The following DLGAP2 variants were observed in gnomAD, a reference collection of about 807,000 sequenced individuals.
DLGAP2 encodes the protein disks large-associated protein 2.
In DLGAP2, 26 loss-of-function variants were observed where a neutral mutation model predicts 100.3. That is an observed-to-expected ratio of 0.26 (90% CI 0.19 to 0.36). DLGAP2 has a LOEUF of 0.36. Ranked by LOEUF, DLGAP2 falls within the 10% of genes least tolerant of loss-of-function variation. DLGAP2 has a pLI of 1.00. For synonymous variants in DLGAP2, 886 were observed against 630.1 expected (o/e 1.41, Z -6.08); for missense variants, 1,858 against 1,453.2 (o/e 1.28, Z -4.53).
At chr8:787,818 G>T (rs777420672) in intron 1 of DLGAP2, among the ~76,000 whole-genome samples, 5 of 152,224 alleles carry the variant, frequency 3.3e-5, no homozygotes, top group Non-Finnish European at 5.9e-5. Flanking sequence ...GGGGCTTGAG[G>T]CCTGGGTTTG....
intron 2 of DLGAP2, among the ~76,000 whole-genome samples, chr8:1,234,976 C>T (rs1798612196): frequency 6.6e-6 from 1 of 151,990 alleles, no homozygotes. Context: ...GTCTAGTTCT[C>T]TCACGCATAG....
chr8:1,571,612 G>T (rs1298341988), intron 6 of DLGAP2, among the ~76,000 whole-genome samples: 1 of 136,684 alleles, frequency 7.3e-6, no homozygotes, highest in South Asian at 2.7e-4. Context: ...CTTCTGGGAC[G>T]GAGAGGAGAG....
intron 2 of DLGAP2, among the ~76,000 whole-genome samples, chr8:955,654 T>C (rs1220172518): frequency 6.6e-6 from 1 of 152,178 alleles, no homozygotes; most frequent in Non-Finnish European, 1.5e-5. Flanking sequence ...TCCCCAAAAC[T>C]TCAAGGCTTT....
intron 2 of DLGAP2, among the ~76,000 whole-genome samples, chr8:1,251,839 G>A (rs1196778042): frequency 3.3e-5 from 5 of 152,228 alleles, no homozygotes; most frequent in South Asian, 4.1e-4. Flanking sequence ...TCCTGTAGGC[G>A]TGTTGCATAT....
At chr8:1,172,801 G>C (rs547827119) in intron 2 of DLGAP2, among the ~76,000 whole-genome samples, 9 of 152,020 alleles carry the variant, frequency 5.9e-5, no homozygotes, top group African/African-American at 2.2e-4. Flanking sequence ...TTTTTTCAAA[G>C]TTTTTAACTT....
At chr8:1,580,406 C>G (rs1027705760) in intron 6 of DLGAP2, among the ~76,000 whole-genome samples, 3 of 152,122 alleles carry the variant, frequency 2.0e-5, no homozygotes, top group African/African-American at 7.2e-5. Flanking sequence ...AAGATAGGTT[C>G]ATGGAAATTA....
chr8:895,684 G>A (rs1239391890), intron 1 of DLGAP2, among the ~76,000 whole-genome samples: 1 of 152,188 alleles, frequency 6.6e-6, no homozygotes, highest in Non-Finnish European at 1.5e-5. Flanking sequence ...TTCGGTGGTG[G>A]TGTGAAGGAG....
At chr8:1,481,474 T>TTTC (rs1799093190) in intron 3 of DLGAP2, among the ~76,000 whole-genome samples, 2 of 112,580 alleles carry the variant, frequency 1.8e-5, no homozygotes, top group Non-Finnish European at 3.3e-5. Context: ...TCTTTTTCTT[T>TTTC]TTTTTTTTTT....
At chr8:1,417,969 G>A (rs1223465504) in intron 3 of DLGAP2, among the ~76,000 whole-genome samples, 8 of 152,000 alleles carry the variant, frequency 5.3e-5, no homozygotes, top group Non-Finnish European at 1.2e-4. Context: ...GAAAAAAAAA[G>A]AATTAAATAT....
chr8:964,964 C>G (rs1799812651), intron 2 of DLGAP2, among the ~76,000 whole-genome samples: 1 of 152,206 alleles, frequency 6.6e-6, no homozygotes, highest in African/African-American at 2.4e-5. Context: ...GCTCCTGAGC[C>G]CAACCCCCGC....
intron 1 of DLGAP2, among the ~76,000 whole-genome samples, chr8:886,522 C>G (rs1451494585): frequency 6.6e-6 from 1 of 152,156 alleles, no homozygotes; most frequent in South Asian, 2.1e-4. Flanking sequence ...CTATAAATGT[C>G]CCTCTTAACA....
Position 1,125,045 on chromosome 8 carries a change from T to C in DLGAP2, c.74-133806T>C, listed in dbSNP as rs551083499. ...CCAGCACCTCCTCGTTCAGGGTCTG[T>C]ATTTCTAGTTCTTTGAATCCTGTCA... On this transcript the variant is annotated intron_variant, in intron 2 of 14. Transcript: ENST00000637795. Among the ~76,000 whole-genome samples the C allele has an allele frequency of 2.0e-5, 3 of 152,360 alleles. No homozygotes were observed. In the East Asian group the frequency reaches 5.8e-4, roughly 29 times the overall value.
rs762248808 is a variant in DLGAP2, at chr8:1,697,147, G to A, written c.2797G>A (p.Asp933Asn). The A allele has an allele frequency of 4.5e-6, 7 of 1,570,812 alleles. No homozygotes were observed. Among genetic ancestry groups the A allele is most frequent in the East Asian group, 4.5e-5 (2 of 44,028 alleles). Residue 933 changes from aspartate (D) to asparagine (N), a missense_variant and splice_region_variant, in exon 14 of 15, where the codon GAC (aspartate) becomes AAC (asparagine). Transcript: ENST00000637795. ...CTGAACACCCTGTGTGTGTCCCCAGGACCCCAGCGCCATGCCGAGGCCGAC... is the reference window on the plus strand; with the variant it reads ...CTGAACACCCTGTGTGTGTCCCCAGAACCCCAGCGCCATGCCGAGGCCGAC... ...QFYWLCQQNM[D>N]PSAMPRPTSQ... is the part of the protein sequence containing the mutation.
chr8:801,033 T>A (rs1275366999), intron 1 of DLGAP2, among the ~76,000 whole-genome samples: 1 of 151,102 alleles, frequency 6.6e-6, no homozygotes, highest in Non-Finnish European at 1.5e-5. Flanking sequence ...GGTTTCTGGC[T>A]CATGAATCCT....
At chr8:1,063,460 C>T (rs1214108229) in intron 2 of DLGAP2, among the ~76,000 whole-genome samples, 2 of 150,868 alleles carry the variant, frequency 1.3e-5, no homozygotes, top group African/African-American at 2.4e-5. Flanking sequence ...ATCCACAAGA[C>T]GATGGTCCAG....
chr8:953,386 A>G (rs2134493), intron 2 of DLGAP2, among the ~76,000 whole-genome samples: 100,349 of 151,872 alleles, frequency 0.66, 33,586 homozygotes, highest in Admixed American at 0.74. Context: ...CAGAGACGGG[A>G]TTTCGCCATG....
intron 1 of DLGAP2, among the ~76,000 whole-genome samples, chr8:789,887 C>G (rs73539425): frequency 0.01 from 1,599 of 152,310 alleles, 37 homozygotes; most frequent in African/African-American, 0.037. Context: ...CAGCTGGAGA[C>G]ATGAAGCCAG....
intron 2 of DLGAP2, among the ~76,000 whole-genome samples, chr8:1,176,477 C>T (rs1310947674): frequency 6.6e-6 from 1 of 152,198 alleles, no homozygotes; most frequent in Non-Finnish European, 1.5e-5. Context: ...TGAATGTAGT[C>T]ACGAGCATTA....
rs987464258 is a variant in DLGAP2 at position 1,705,405 on chromosome 8, C to T, written c.*3999C>T. 6.6e-6 allele frequency: 1 copy of T among 152,254 alleles called. No individual in the cohort carries two copies. The highest frequency in any genetic ancestry group is 1.5e-5 in the Non-Finnish European group (1 of 68,058). The allele number at this position is 152,254 out of a possible 1,614,324, so 9.4% of individuals were successfully genotyped here. A position where few individuals can be genotyped will look rare whatever the true frequency, so the allele number is the denominator to read the frequency against. On this transcript the variant is annotated 3_prime_UTR_variant, in exon 15 of 15. Transcript: ENST00000637795. Reference sequence around the variant, plus strand: ...TTCAGTGGACAGGAGGCCCCCGTGCCGTGGCTGAGTCAGCCTGGGTACCCC... The same window carrying T: ...TTCAGTGGACAGGAGGCCCCCGTGCTGTGGCTGAGTCAGCCTGGGTACCCC...
Sources: allele counts gnomAD v4.1 joint callset (sites outside exome capture counted in the v4.1 genomes callset), GRCh38; gene constraint gnomAD v4.1.1; transcripts MANE v1.5; gene names NCBI Gene and HGNC (gene_info 2026-07-23, HGNC 2026-07-21).